The following GALNT17 variants were observed in gnomAD, a reference collection of about 807,000 sequenced individuals.
GALNT17 encodes the protein UDP-GalNAc:polypeptide N-acetylgalactosaminyltransferase-like 3.
Under a neutral mutation model 63.7 loss-of-function variants are expected in GALNT17, and 29 were observed. The observed-to-expected ratio is 0.46, with a 90% CI of 0.34 to 0.62. GALNT17 has a LOEUF of 0.62. GALNT17 is among the 20% of genes least tolerant of loss of function. The pLI, the probability that GALNT17 is intolerant of heterozygous loss-of-function variation, is 0.01. For synonymous variants in GALNT17, 305 were observed against 318.3 expected (o/e 0.96, Z 0.45); for missense variants, 603 against 799.6 (o/e 0.75, Z 2.97).
intron 1 of GALNT17, among the ~76,000 whole-genome samples, chr7:71,236,888 G>T (rs939082214): frequency 6.6e-6 from 1 of 152,218 alleles, no homozygotes; most frequent in Non-Finnish European, 1.5e-5. Flanking sequence ...GGAAGGGAAT[G>T]ATCCATCCTC....
chr7:71,174,997 T>C (rs963032528), intron 1 of GALNT17, among the ~76,000 whole-genome samples: 2 of 152,262 alleles, frequency 1.3e-5, no homozygotes, highest in Non-Finnish European at 2.9e-5. Context: ...AAGGACCATA[T>C]TGATATCAAT....
At chr7:71,240,818 C>T (rs1026667696) in intron 1 of GALNT17, among the ~76,000 whole-genome samples, 8 of 152,038 alleles carry the variant, frequency 5.3e-5, no homozygotes, top group African/African-American at 1.7e-4. Flanking sequence ...GCGCCCGCCA[C>T]CTCGCCTGGC....
intron 5 of GALNT17, among the ~76,000 whole-genome samples, chr7:71,535,626 A>G (rs758389187): frequency 6.6e-6 from 1 of 152,252 alleles, no homozygotes; most frequent in Non-Finnish European, 1.5e-5. Context: ...GCAATAAGTC[A>G]ACTCACAATG....
chr7:71,470,278 A>C (rs1247364559), intron 5 of GALNT17, among the ~76,000 whole-genome samples: 1 of 152,162 alleles, frequency 6.6e-6, no homozygotes, highest in East Asian at 1.9e-4. Flanking sequence ...GCAATGATAC[A>C]TTATAAAAGG....
chr7:71,206,039 A>AATAT (rs35048889), intron 1 of GALNT17, among the ~76,000 whole-genome samples: 2,908 of 145,838 alleles, frequency 0.02, 85 homozygotes, highest in African/African-American at 0.067. Flanking sequence ...CCAGCTAGAG[A>AATAT]ATATATATAT....
chr7:71,303,765 G>A (rs1791241857), intron 1 of GALNT17, among the ~76,000 whole-genome samples: 1 of 152,054 alleles, frequency 6.6e-6, no homozygotes, highest in South Asian at 2.1e-4. Flanking sequence ...TTGATGAAGA[G>A]CCACATTCCT....
At chr7:71,299,979 G>C (rs1364134179) in intron 1 of GALNT17, among the ~76,000 whole-genome samples, 1 of 151,946 alleles carries the variant, frequency 6.6e-6, no homozygotes, top group African/African-American at 2.4e-5. Flanking sequence ...TTGATAATCA[G>C]GTTGGCCAGG....
At chr7:71,681,701 T>A (rs1791264660) in intron 9 of GALNT17, among the ~76,000 whole-genome samples, 1 of 152,176 alleles carries the variant, frequency 6.6e-6, no homozygotes, top group Non-Finnish European at 1.5e-5. Flanking sequence ...TCTGAATAAG[T>A]CACATTTGAA....
rs367928788 is a variant in GALNT17 at position 71,329,546 on chromosome 7, A to C, written c.239-6004A>C. 3.9e-5 allele frequency among the ~76,000 whole-genome samples: 6 copies of C among 152,170 alleles called. No individual in the cohort carries two copies. In the South Asian group the frequency reaches 1.2e-3, roughly 32 times the overall value. On this transcript the variant is annotated intron_variant, in intron 1 of 10. Coordinates refer to ENST00000333538, the MANE Select transcript of GALNT17 (RefSeq NM_022479.3). ...TGACGAAAAGAGGTTTAATTCCCTC[A>C]CTTCCGCAGGCTGTACAGGAAGCAT...
intron 5 of GALNT17, among the ~76,000 whole-genome samples, chr7:71,495,409 A>G (rs573322487): frequency 6.6e-6 from 1 of 152,296 alleles, no homozygotes; most frequent in Admixed American, 6.5e-5. Flanking sequence ...TTTTTTGAGC[A>G]CTTAATGTGT....
At chr7:71,311,243 G>A (rs572361501) in intron 1 of GALNT17, among the ~76,000 whole-genome samples, 1 of 152,264 alleles carries the variant, frequency 6.6e-6, no homozygotes, top group South Asian at 2.1e-4. Flanking sequence ...CTAAAGATGG[G>A]CCTGATGAGG....
At chr7:71,648,848 T>C (rs2117019076) in intron 6 of GALNT17, among the ~76,000 whole-genome samples, 2 of 152,348 alleles carry the variant, frequency 1.3e-5, no homozygotes, top group East Asian at 3.9e-4. Flanking sequence ...GCAATGACTT[T>C]GATTTCAACT....
In GALNT17 at chr7:71,691,441, G is replaced by A. The variant is rs76391739; in HGVS notation, c.1500+14135G>A. Reference sequence around the variant, plus strand: ...GACTTGCCTTTTTATTGCAATATTCGCTATATTGCAGTGGTCTGCAACTGA... The same window carrying A: ...GACTTGCCTTTTTATTGCAATATTCACTATATTGCAGTGGTCTGCAACTGA... On this transcript the variant is annotated intron_variant, in intron 9 of 10. Coordinates refer to ENST00000333538, the MANE Select transcript of GALNT17 (RefSeq NM_022479.3). Among the ~76,000 whole-genome samples the A allele has an allele frequency of 7.6e-3, 1,154 of 152,178 alleles. 11 individuals carry two copies. Among genetic ancestry groups the A allele is most frequent in the African/African-American group, 0.026 (1,077 of 41,510 alleles).
intron 5 of GALNT17, among the ~76,000 whole-genome samples, chr7:71,547,408 C>A (rs958504327): frequency 6.6e-6 from 1 of 152,106 alleles, no homozygotes; most frequent in African/African-American, 2.4e-5. Flanking sequence ...CCTGCCTTGG[C>A]CTCCCAAAGT....
chr7:71,232,490 G>T (rs528591710), intron 1 of GALNT17, among the ~76,000 whole-genome samples: 1 of 152,186 alleles, frequency 6.6e-6, no homozygotes, highest in African/African-American at 2.4e-5. Context: ...CAGGAGTTAG[G>T]GACTAGGGGG....
intron 1 of GALNT17, among the ~76,000 whole-genome samples, chr7:71,325,900 G>A (rs976351009): frequency 3.9e-5 from 6 of 152,146 alleles, no homozygotes; most frequent in South Asian, 2.1e-4. Flanking sequence ...TTCAAAAACT[G>A]GATGACTACC....
Position 71,629,692 on chromosome 7 carries a change from C to T in GALNT17, c.1081-35719C>T, listed in dbSNP as rs192734237. ...AGTTGGGAGGTCTTGCTATGCTGCC[C>T]ATGCTAGTCTTGAACTCCGGGCCTC... On this transcript the variant is annotated intron_variant, in intron 6 of 10. Transcript: ENST00000333538. Among the ~76,000 whole-genome samples the T allele has an allele frequency of 1.4e-3, 214 of 152,220 alleles. 2 individuals carry two copies. The highest frequency in any genetic ancestry group is 6.8e-3 in the Middle Eastern group (2 of 294).
chr7:71,271,440 C>T (rs570842201), intron 1 of GALNT17, among the ~76,000 whole-genome samples: 6 of 152,284 alleles, frequency 3.9e-5, no homozygotes, highest in African/African-American at 1.2e-4. Context: ...TCATCCATCC[C>T]GGTTTGTTCT....
intron 3 of GALNT17, among the ~76,000 whole-genome samples, chr7:71,398,415 A>G (rs1345541739): frequency 2.0e-5 from 3 of 151,864 alleles, no homozygotes; most frequent in African/African-American, 7.3e-5. Flanking sequence ...TTTACTTCCA[A>G]GTGATCATTT....
Sources: allele counts gnomAD v4.1 joint callset (sites outside exome capture counted in the v4.1 genomes callset), GRCh38; gene constraint gnomAD v4.1.1; transcripts MANE v1.5; gene names NCBI Gene and HGNC (gene_info 2026-07-23, HGNC 2026-07-21).